Variants in RIN3 observed in about 807,000 individuals in gnomAD.
RIN3 encodes the protein RAB5 interacting protein 3.
In RIN3, 54 loss-of-function variants were observed where a neutral mutation model predicts 76.3. The ratio of observed to expected loss-of-function variants is 0.71; its 90% CI spans 0.57 to 0.89. The LOEUF (loss-of-function observed/expected upper bound fraction) is 0.89, where lower values mean the gene tolerates loss of function less well. Ranked by LOEUF, RIN3 falls within the 40% of genes least tolerant of loss-of-function variation. The pLI, the probability that RIN3 is intolerant of heterozygous loss-of-function variation, is 0.00. For missense variants in RIN3, 1,256 were observed against 1,322.1 expected (o/e 0.95, Z 0.78); for synonymous variants, 576 against 564.0 (o/e 1.02, Z -0.30).
chr14:92,683,904 A>G (rs1393562745), intron 8 of RIN3, among the ~76,000 whole-genome samples: 2 of 152,246 alleles, frequency 1.3e-5, no homozygotes, highest in African/African-American at 4.8e-5. Flanking sequence ...AAAGTTCCTT[A>G]ATTTATGAGG....
In RIN3 at chr14:92,648,045, C is replaced by T. The variant is rs1486806899; in HGVS notation, c.533-3537C>T. On this transcript the variant is annotated intron_variant, in intron 5 of 9. Transcript: ENST00000216487. This position sits in a 1 kb window ranked among gnomAD's most constrained non-coding sequence, Gnocchi z 4.1. Reference sequence around the variant, plus strand: ...GCATGACACAGGGTTCTGTTTCTCCCCTGGCCTTGGCGTTCTCAGGCTGCA... The same window carrying T: ...GCATGACACAGGGTTCTGTTTCTCCTCTGGCCTTGGCGTTCTCAGGCTGCA... 6.6e-6 allele frequency among the ~76,000 whole-genome samples: 1 copy of T among 152,050 alleles called. No individual in the cohort carries two copies. The highest frequency in any genetic ancestry group is 1.5e-5 in the Non-Finnish European group (1 of 68,010).
chr14:92,629,542 C>T (rs200353432), intron 4 of RIN3, among the ~76,000 whole-genome samples: 8 of 152,196 alleles, frequency 5.3e-5, no homozygotes, highest in East Asian at 1.9e-4. Flanking sequence ...ACTTGGCCTG[C>T]GCCCTATGGA....
At chr14:92,608,191 G>A (rs1435743878) in intron 3 of RIN3, among the ~76,000 whole-genome samples, 1 of 152,124 alleles carries the variant, frequency 6.6e-6, no homozygotes, top group Non-Finnish European at 1.5e-5. Flanking sequence ...CATCTGAATG[G>A]CATCTGGGGA....
intron 7 of RIN3, among the ~76,000 whole-genome samples, chr14:92,664,259 A>G (rs1887990160): frequency 6.6e-6 from 1 of 152,058 alleles, no homozygotes; most frequent in African/African-American, 2.4e-5. Context: ...TTTGGAAATA[A>G]TTTCAAACTT....
intron 1 of RIN3, among the ~76,000 whole-genome samples, chr14:92,537,577 T>G (rs1367363110): frequency 6.7e-6 from 1 of 149,534 alleles, no homozygotes; most frequent in Non-Finnish European, 1.5e-5. Flanking sequence ...TGAATTGCCC[T>G]CCATGAAGGC....
Position 92,688,074 on chromosome 14 carries a change from TG to T in RIN3, c.2782del (p.Asp928ThrfsTer96). 6.2e-7 allele frequency: 1 copy of T among 1,605,836 alleles called. No homozygotes were observed. The highest frequency in any genetic ancestry group is 8.5e-7 in the Non-Finnish European group (1 of 1,177,276). On this transcript the variant is annotated frameshift_variant, in exon 10 of 10. Coordinates refer to ENST00000216487, the MANE Select transcript of RIN3 (RefSeq NM_024832.5). LOFTEE classifies it high-confidence loss of function. ...CAGGCGCACCGGCTGTTCGTGCTGG[TG>T]GACGGGCGCTGCTTCCAGCTGGCGG... ...RPQAHRLFVLVDGRCFQLADD... is the reference protein window; with the variant it reads ...RPQAHRLFVLXDGRCFQLADD...
chr14:92,527,968 A>G (rs1317798966), intron 1 of RIN3, among the ~76,000 whole-genome samples: 1 of 146,080 alleles, frequency 6.8e-6, no homozygotes, highest in Non-Finnish European at 1.5e-5. Flanking sequence ...TTGCATGTAG[A>G]TTGTTTCATA....
intron 3 of RIN3, among the ~76,000 whole-genome samples, chr14:92,613,880 T>C (rs977645443): frequency 1.3e-5 from 2 of 152,156 alleles, no homozygotes; most frequent in African/African-American, 4.8e-5. Flanking sequence ...CAGAGAGCGC[T>C]CATGTGGGGC....
intron 7 of RIN3, among the ~76,000 whole-genome samples, chr14:92,675,025 GTCTC>G (rs1199148660): frequency 6.6e-6 from 1 of 152,184 alleles, no homozygotes; most frequent in Admixed American, 6.5e-5. Context: ...TGCCAGGCAT[GTCTC>G]TCTATGTCCC....
chr14:92,580,298 A>G (rs12587266), intron 3 of RIN3, among the ~76,000 whole-genome samples: 96,537 of 152,180 alleles, frequency 0.63, 31,371 homozygotes, highest in Non-Finnish European at 0.7. Context: ...CCTGGGAGGC[A>G]GAGGTTGCAG....
intron 8 of RIN3, among the ~76,000 whole-genome samples, chr14:92,682,204 C>T (rs888062998): frequency 2.6e-5 from 4 of 152,194 alleles, no homozygotes; most frequent in African/African-American, 9.6e-5. Flanking sequence ...TTCTATACTG[C>T]TATGAAAGGG....
At position 92,685,174 on chromosome 14, in the gene RIN3, C is replaced by T; in HGVS notation, c.2631+24C>T. On this transcript the variant is annotated intron_variant, in intron 9 of 9. Transcript: ENST00000216487. This position sits in a 1 kb window ranked among gnomAD's most constrained non-coding sequence, Gnocchi z 4.7. ...AGGTGAGGCCTGAGAGCGGGAGGGG[C>T]CCGGTGGGGCCATGTCCCAGACACC... 6.4e-7 allele frequency: 1 copy of T among 1,568,758 alleles called. No individual in the cohort carries two copies.
At chr14:92,524,259 G>A (rs929438510) in intron 1 of RIN3, among the ~76,000 whole-genome samples, 5 of 152,160 alleles carry the variant, frequency 3.3e-5, no homozygotes, top group African/African-American at 1.2e-4. Flanking sequence ...TGTTCTTGCC[G>A]GATGCTGCCG....
At chr14:92,616,715 C>A (rs890273671) in intron 4 of RIN3, among the ~76,000 whole-genome samples, 3 of 152,280 alleles carry the variant, frequency 2.0e-5, no homozygotes, top group African/African-American at 7.2e-5. Flanking sequence ...TTGGTGTATT[C>A]ACCTGCAAAT....
At chr14:92,675,515 G>A (rs150217752) in intron 7 of RIN3, among the ~76,000 whole-genome samples, 1,648 of 152,372 alleles carry the variant, frequency 0.011, 11 homozygotes, top group Non-Finnish European at 0.016. Flanking sequence ...CCCCGGCTGA[G>A]TCTGGAGACC....
intron 7 of RIN3, among the ~76,000 whole-genome samples, chr14:92,661,723 T>TCTCACACACACA (rs1555392557): frequency 1.1e-4 from 15 of 134,878 alleles, no homozygotes; most frequent in Non-Finnish European, 2.2e-4. Context: ...TGAGACTCTG[T>TCTCACACACACA]CACACACACA....
At chr14:92,684,606 C>T (rs1838751904) in intron 8 of RIN3, among the ~76,000 whole-genome samples, 1 of 152,090 alleles carries the variant, frequency 6.6e-6, no homozygotes, top group Non-Finnish European at 1.5e-5. Flanking sequence ...ATGTGATACA[C>T]ACACAGTGAG....
intron 4 of RIN3, 32 bp from the exon 5 acceptor site, chr14:92,641,206 A>C (rs368467638): frequency 6.5e-7 from 1 of 1,528,158 alleles, no homozygotes; most frequent in African/African-American, 1.4e-5. Context: ...CGGTGGACCC[A>C]GACATGACTT....
chr14:92,534,315 C>G, intron 1 of RIN3, among the ~76,000 whole-genome samples: 1 of 148,996 alleles, frequency 6.7e-6, no homozygotes, highest in Middle Eastern at 3.5e-3. Context: ...CGTGGTGGCT[C>G]ACGCCTATAA....
Sources: gnomAD v4.1 joint callset for allele counts (sites outside exome capture counted in the v4.1 genomes callset) on GRCh38, gnomAD v4.1.1 for gene constraint, Gnocchi (gnomAD v3.1) non-coding constraint, MANE v1.5 for transcripts, NCBI Gene and HGNC (gene_info 2026-07-23, HGNC 2026-07-21) for gene names.